The following FBXL17 variants were observed in gnomAD, a reference collection of about 807,000 sequenced individuals.
FBXL17 encodes the protein F-box/LRR-repeat protein 17.
Under a neutral mutation model 66.2 loss-of-function variants are expected in FBXL17, and 22 were observed. The ratio of observed to expected loss-of-function variants is 0.33; its 90% confidence interval spans 0.24 to 0.47. FBXL17 has a LOEUF of 0.47. FBXL17 is among the 20% of genes least tolerant of loss of function. The probability of loss-of-function intolerance (pLI) is 1.00; values close to 1 mark genes in which losing one functional copy is unlikely to be tolerated. For synonymous variants in FBXL17, 474 were observed against 400.5 expected (o/e 1.18, Z -2.19); for missense variants, 878 against 948.2 (o/e 0.93, Z 0.97).
intron 6 of FBXL17, among the ~76,000 whole-genome samples, chr5:108,125,984 A>C (rs60569410): frequency 0.057 from 8,741 of 152,138 alleles, 446 homozygotes; most frequent in African/African-American, 0.14. Flanking sequence ...AAATTCTAAA[A>C]GCCCACAAGT....
intron 6 of FBXL17, among the ~76,000 whole-genome samples, chr5:108,171,055 TTTG>T (rs1354265040): frequency 6.6e-6 from 1 of 152,176 alleles, no homozygotes; most frequent in Non-Finnish European, 1.5e-5. Context: ...TATTTTAAAA[TTTG>T]TTTTCACATT....
chr5:108,194,374 GAA>G (rs370521426), intron 5 of FBXL17, among the ~76,000 whole-genome samples: 1 of 147,764 alleles, frequency 6.8e-6, no homozygotes, highest in Non-Finnish European at 1.5e-5. Flanking sequence ...ATATAGAGAG[GAA>G]AAAAAAAAGT....
At chr5:108,067,052 C>T (rs1328301582) in intron 6 of FBXL17, among the ~76,000 whole-genome samples, 1 of 151,926 alleles carries the variant, frequency 6.6e-6, no homozygotes, top group Non-Finnish European at 1.5e-5. Context: ...ACTATATAAA[C>T]CTGAATCTAC....
chr5:108,342,266 T>C (rs530922825), intron 4 of FBXL17, among the ~76,000 whole-genome samples: 1 of 152,310 alleles, frequency 6.6e-6, no homozygotes, highest in South Asian at 2.1e-4. Context: ...ATGTCTGTAA[T>C]ACAGAGAAAT....
At chr5:108,190,895 A>C (rs1174151826) in intron 5 of FBXL17, among the ~76,000 whole-genome samples, 2 of 152,222 alleles carry the variant, frequency 1.3e-5, no homozygotes, top group Non-Finnish European at 2.9e-5. Flanking sequence ...ACTGTTCTGT[A>C]ACATGTAAAA....
chr5:107,989,626 C>G (rs543404256), intron 7 of FBXL17, among the ~76,000 whole-genome samples: 91 of 152,228 alleles, frequency 6.0e-4, no homozygotes, highest in African/African-American at 2.2e-3. Context: ...TCGATAAACA[C>G]TGATTTCCTT....
intron 6 of FBXL17, among the ~76,000 whole-genome samples, chr5:108,111,358 T>A (rs1386899647): frequency 6.6e-6 from 1 of 152,222 alleles, no homozygotes. Context: ...AACTTAGATA[T>A]CAATGTTACA....
intron 4 of FBXL17, among the ~76,000 whole-genome samples, chr5:108,255,420 G>T (rs539054454): frequency 6.6e-6 from 1 of 152,162 alleles, no homozygotes; most frequent in African/African-American, 2.4e-5. Context: ...CCTACATTTT[G>T]ACCAATTCAA....
chr5:108,200,180 GGAGA>G (rs965839342), intron 5 of FBXL17, among the ~76,000 whole-genome samples: 1 of 152,086 alleles, frequency 6.6e-6, no homozygotes, highest in African/African-American at 2.4e-5. Context: ...AGTTAGAGAA[GGAGA>G]GAGAGAAAAA....
At chr5:108,136,509 T>G (rs1242210800) in intron 6 of FBXL17, among the ~76,000 whole-genome samples, 1 of 152,146 alleles carries the variant, frequency 6.6e-6, no homozygotes, top group East Asian at 1.9e-4. Context: ...TCTTGCTCAG[T>G]CAAGCAATAT....
intron 4 of FBXL17, among the ~76,000 whole-genome samples, chr5:108,317,907 T>C (rs1208724308): frequency 6.6e-6 from 1 of 151,596 alleles, no homozygotes; most frequent in African/African-American, 2.4e-5. Context: ...CAAATGAAGC[T>C]ACTATTTTTA....
At chr5:108,233,918 G>A (rs750492673) in intron 4 of FBXL17, among the ~76,000 whole-genome samples, 1 of 152,146 alleles carries the variant, frequency 6.6e-6, no homozygotes, top group Non-Finnish European at 1.5e-5. Flanking sequence ...AGCTCTTGAG[G>A]GCTGCACTCA....
At chr5:108,083,902 C>T (rs1748872567) in intron 6 of FBXL17, among the ~76,000 whole-genome samples, 1 of 152,142 alleles carries the variant, frequency 6.6e-6, no homozygotes, top group Non-Finnish European at 1.5e-5. Flanking sequence ...GACTGGTGCT[C>T]AGCATCATCA....
chr5:107,940,527 T>C (rs553570086), intron 7 of FBXL17, among the ~76,000 whole-genome samples: 2 of 152,182 alleles, frequency 1.3e-5, no homozygotes, highest in East Asian at 1.9e-4. Flanking sequence ...GGAAATACTT[T>C]AGTGGGGAAG....
chr5:108,122,645 T>C (rs1750547659), intron 6 of FBXL17, among the ~76,000 whole-genome samples: 1 of 152,152 alleles, frequency 6.6e-6, no homozygotes, highest in South Asian at 2.1e-4. Context: ...CGAATGCCAA[T>C]TGTGTATTCA....
intron 6 of FBXL17, among the ~76,000 whole-genome samples, chr5:108,105,563 A>C (rs1391135903): frequency 6.6e-6 from 1 of 152,254 alleles, no homozygotes; most frequent in Non-Finnish European, 1.5e-5. Context: ...AGAATAAATA[A>C]GAAAACTGTG....
At chr5:108,011,532 A>G (rs1286785694) in intron 7 of FBXL17, among the ~76,000 whole-genome samples, 1 of 152,160 alleles carries the variant, frequency 6.6e-6, no homozygotes, top group Non-Finnish European at 1.5e-5. Context: ...GGCTGGGTGC[A>G]GTGGCTCATG....
At chr5:108,150,802 G>C (rs745429002) in intron 6 of FBXL17, among the ~76,000 whole-genome samples, 1 of 152,178 alleles carries the variant, frequency 6.6e-6, no homozygotes, top group African/African-American at 2.4e-5. Context: ...CGCATTATTG[G>C]TGGTGATATC....
intron 6 of FBXL17, among the ~76,000 whole-genome samples, chr5:108,182,644 T>C (rs1753049714): frequency 6.6e-6 from 1 of 152,186 alleles, no homozygotes; most frequent in African/African-American, 2.4e-5. Flanking sequence ...CAAATAAATC[T>C]CTACAATACA....
Sources: allele counts gnomAD v4.1 joint callset (sites outside exome capture counted in the v4.1 genomes callset), GRCh38; gene constraint gnomAD v4.1.1; transcripts MANE v1.5; gene names NCBI Gene and HGNC (gene_info 2026-07-23, HGNC 2026-07-21).